Variants in ANKS3 observed in about 807,000 individuals in gnomAD.
The protein encoded by ANKS3 is ankyrin repeat and SAM domain-containing protein 3.
A neutral mutation model predicts 80.7 loss-of-function variants in ANKS3; 62 were observed. The ratio of observed to expected loss-of-function variants is 0.77; its 90% CI spans 0.63 to 0.95. The LOEUF is 0.95. Among genes scored for constraint, ANKS3 ranks in the 40% least tolerant of loss-of-function variants. The pLI is 0.00. For synonymous variants in ANKS3, 489 were observed against 355.3 expected (o/e 1.38, Z -4.23); for missense variants, 1,150 against 883.6 (o/e 1.30, Z -3.82).
Position 4,706,841 on chromosome 16 carries a change from G to C in ANKS3, c.710-1588C>G, listed in dbSNP as rs548413107. Among the ~76,000 whole-genome samples the C allele has an allele frequency of 5.9e-5, 9 of 152,350 alleles. No homozygotes were observed. The South Asian group carries it at 1.9e-3, about 32-fold the overall frequency. ...TTATTATGAAACAATCCCAATGCCA[G>C]GGAAGAGGCTGGGCTGAGCCTGACA... On this transcript the variant is annotated intron_variant, in intron 7 of 17. Transcript: ENST00000304283.
chr16:4,700,551 A>C (rs992557151), intron 11 of ANKS3: 3 of 346,026 alleles, frequency 8.7e-6, no homozygotes, highest in Middle Eastern at 1.0e-3. Context: ...TCTGATCCCT[A>C]AGGTAATGTG....
chr16:4,706,688 GA>G (rs2080213585), intron 7 of ANKS3, among the ~76,000 whole-genome samples: 2 of 152,326 alleles, frequency 1.3e-5, no homozygotes, highest in South Asian at 2.1e-4. Context: ...ATAAGGCTCT[GA>G]TCTGATTCTA....
rs2079953673 is a variant in ANKS3 at position 4,702,206 on chromosome 16, CT to C, written c.904del (p.Ser302AlafsTer90). 11 of 1,589,286 alleles carry C rather than the reference CT, an allele frequency of 6.9e-6. No homozygotes were observed. In the Admixed American group the frequency reaches 2.0e-4, roughly 28 times the overall value. ...APPRGYVTFN[S>X]SGENPLEEEG... ...TTCTTCCAGGGGGTTCTCGCCACTG[CT>C]GTTGAAGGTGACATAGCCACGGGGA... is the stretch of plus-strand genomic sequence containing the variant. On this transcript the variant is annotated frameshift_variant, in exon 9 of 18. Coordinates refer to ENST00000304283, the MANE Select transcript of ANKS3 (RefSeq NM_133450.4). LOFTEE classifies it high-confidence loss of function.
chr16:4,712,284 T>C (rs1271673868), intron 7 of ANKS3, among the ~76,000 whole-genome samples: 2 of 151,900 alleles, frequency 1.3e-5, no homozygotes, highest in Admixed American at 6.6e-5. Flanking sequence ...GGCAGAAGAA[T>C]TGCTTGAACT....
chr16:4,725,928 G>C (rs962761955), intron 5 of ANKS3, among the ~76,000 whole-genome samples: 2 of 151,280 alleles, frequency 1.3e-5, no homozygotes, highest in Admixed American at 1.3e-4. Context: ...AGAGTGCTAG[G>C]ATTACAGGTG....
At chr16:4,706,022 C>T (rs545710771) in intron 7 of ANKS3, among the ~76,000 whole-genome samples, 3 of 151,964 alleles carry the variant, frequency 2.0e-5, no homozygotes, top group South Asian at 2.1e-4. Context: ...CTCAGCCTCC[C>T]GAGTAGTTGG....
rs1182644676 is a variant in ANKS3, at chr16:4,734,158, G to A, written c.-291C>T. The A allele has an allele frequency of 4.6e-6, 2 of 430,574 alleles. No homozygotes were observed. The highest frequency in any genetic ancestry group is 2.1e-5 in the African/African-American group (1 of 46,686). 26.7% of individuals were successfully genotyped at this position (430,574 alleles called of 1,614,324 possible). ...GGCCGGGCCGCCGCGGAACCCACCT[G>A]TGCTGGGCCTCAGGCCTTGCGCCGC... On this transcript the variant is annotated 5_prime_UTR_variant, in exon 1 of 18. Transcript: ENST00000304283.
chr16:4,726,836 C>T (rs942466732), intron 4 of ANKS3, 56 bp from the exon 5 acceptor site: 173 of 1,599,314 alleles, frequency 1.1e-4, no homozygotes, highest in East Asian at 4.5e-5. Context: ...GTGGGGCGGG[C>T]GCCCTCCAGG....
At chr16:4,698,240 CCCGGACCCAACT>C in intron 14 of ANKS3, 175 bp downstream of exon 14, 1 of 1,135,778 alleles carries the variant, frequency 8.8e-7, no homozygotes, top group South Asian at 1.6e-5. Context: ...GGTGCAGATT[CCCGGACCCAACT>C]CCTGCCTGGG....
intron 5 of ANKS3, 83 bp downstream of exon 5, chr16:4,726,576 G>A (rs2081363818): frequency 6.7e-7 from 1 of 1,497,890 alleles, no homozygotes; most frequent in African/African-American, 1.4e-5. Context: ...CCTAAACTCT[G>A]GTTAGCTGCC....
At chr16:4,712,582 G>A (rs760083079) in intron 7 of ANKS3, among the ~76,000 whole-genome samples, 39 of 152,054 alleles carry the variant, frequency 2.6e-4, no homozygotes, top group Non-Finnish European at 4.4e-4. Context: ...ATTCACCATC[G>A]TCTCCAAAGA....
Sources: allele counts gnomAD v4.1 joint callset (sites outside exome capture counted in the v4.1 genomes callset), GRCh38; gene constraint gnomAD v4.1.1; transcripts MANE v1.5; gene names NCBI Gene and HGNC (gene_info 2026-07-23, HGNC 2026-07-21).